EFCAB11: variants seen among roughly 807,000 people sequenced by gnomAD.
The protein encoded by EFCAB11 is EF-hand calcium binding domain 11.
Under a neutral mutation model 23.0 loss-of-function variants are expected in EFCAB11, and 14 were observed. The observed-to-expected ratio is 0.61, with a 90% CI of 0.40 to 0.95. The LOEUF (loss-of-function observed/expected upper bound fraction) is 0.95, where lower values mean the gene tolerates loss of function less well. EFCAB11 is among the 40% of genes least tolerant of loss of function. The probability of loss-of-function intolerance (pLI) is 0.00; values close to 1 mark genes in which losing one functional copy is unlikely to be tolerated. For missense variants in EFCAB11, 198 were observed against 195.8 expected (o/e 1.01, Z -0.07); for synonymous variants, 65 against 66.6 (o/e 0.98, Z 0.11).
intron 5 of EFCAB11, among the ~76,000 whole-genome samples, chr14:89,901,946 C>T (rs1020632013): frequency 1.3e-5 from 2 of 151,656 alleles, no homozygotes; most frequent in African/African-American, 4.8e-5. Context: ...GCAAATATTA[C>T]AAAATCTAAA....
At chr14:89,897,568 G>A (rs185018706) in intron 5 of EFCAB11, among the ~76,000 whole-genome samples, 160 of 152,232 alleles carry the variant, frequency 1.1e-3, no homozygotes, top group Non-Finnish European at 1.3e-3. Flanking sequence ...TGGTTCCTAT[G>A]GAAAAAGGCA....
chr14:89,835,944 A>T (rs1244518735), intron 5 of EFCAB11, among the ~76,000 whole-genome samples: 1 of 151,996 alleles, frequency 6.6e-6, no homozygotes, highest in Non-Finnish European at 1.5e-5. Context: ...GTATATTTTT[A>T]TTGCAGACAC....
intron 5 of EFCAB11, among the ~76,000 whole-genome samples, chr14:89,873,048 A>T (rs902198121): frequency 6.6e-6 from 1 of 152,188 alleles, no homozygotes; most frequent in African/African-American, 2.4e-5. Flanking sequence ...CACTAGTATT[A>T]GTATTAGTAT....
intron 5 of EFCAB11, among the ~76,000 whole-genome samples, chr14:89,870,142 A>G (rs1477232070): frequency 6.6e-6 from 1 of 152,246 alleles, no homozygotes; most frequent in Non-Finnish European, 1.5e-5. Context: ...CCCCCTCAGC[A>G]TTATAAACAT....
chr14:89,815,122 C>T lies in EFCAB11; in HGVS notation c.411-17798G>A, dbSNP rs541634419. ...ACGCAGAATTAGGGGCTGAATAAGA[C>T]GTGAAGATCTGTCCCTGGAATATGC... On this transcript the variant is annotated intron_variant, in intron 5 of 5. Coordinates refer to ENST00000316738, the MANE Select transcript of EFCAB11 (RefSeq NM_145231.4). Among the ~76,000 whole-genome samples, 4 of 152,200 alleles carry T rather than the reference C, an allele frequency of 2.6e-5. No homozygotes were observed. In the South Asian group the frequency reaches 6.2e-4, roughly 24 times the overall value.
chr14:89,931,279 C>G lies in EFCAB11; in HGVS notation c.410+262G>C, dbSNP rs1890379608. 2.3e-5 allele frequency: 9 copies of G among 399,272 alleles called. No individual in the cohort carries two copies. In the East Asian group the frequency reaches 3.6e-4, roughly 16 times the overall value. The allele number at this position is 399,272 out of a possible 1,614,324, so 24.7% of individuals were successfully genotyped here. A position where few individuals can be genotyped will look rare whatever the true frequency, so the allele number is the denominator to read the frequency against. ...CTGAAGAAGTTCTTTCTTCCTGTTCCTCTCCTGCCCCTACTCATAAGTGCT... is the reference window on the plus strand; with the variant it reads ...CTGAAGAAGTTCTTTCTTCCTGTTCGTCTCCTGCCCCTACTCATAAGTGCT... On this transcript the variant is annotated intron_variant, in intron 5 of 5. Transcript: ENST00000316738.
chr14:89,903,737 A>G (rs1297560837), intron 5 of EFCAB11, among the ~76,000 whole-genome samples: 1 of 152,214 alleles, frequency 6.6e-6, no homozygotes, highest in African/African-American at 2.4e-5. Flanking sequence ...GCATGTGAAT[A>G]ACCACAATTT....
chr14:89,928,748 TTAATTA>T (rs1285581105), intron 5 of EFCAB11, among the ~76,000 whole-genome samples: 1 of 97,900 alleles, frequency 1.0e-5, no homozygotes, highest in African/African-American at 4.7e-5. Context: ...ACTGATTATA[TTAATTA>T]TATAATTATA....
intron 5 of EFCAB11, among the ~76,000 whole-genome samples, chr14:89,882,736 T>C (rs1286945): frequency 0.79 from 119,704 of 152,144 alleles, 47,999 homozygotes; most frequent in Non-Finnish European, 0.88. Flanking sequence ...TTACATATAA[T>C]ATACAATTTA....
chr14:89,943,685 T>C (rs1890870574), intron 3 of EFCAB11, among the ~76,000 whole-genome samples: 1 of 152,114 alleles, frequency 6.6e-6, no homozygotes, highest in African/African-American at 2.4e-5. Flanking sequence ...GAAGAAAAAG[T>C]GGATGGTTTG....
At chr14:89,817,064 A>G (rs992163948) in intron 5 of EFCAB11, among the ~76,000 whole-genome samples, 6 of 152,134 alleles carry the variant, frequency 3.9e-5, no homozygotes, top group Non-Finnish European at 8.8e-5. Flanking sequence ...AAAAAATGAA[A>G]ATAGGCAATA....
chr14:89,879,557 A>C (rs1288967961), intron 5 of EFCAB11, among the ~76,000 whole-genome samples: 2 of 152,188 alleles, frequency 1.3e-5, no homozygotes. Context: ...ACAAACAGAA[A>C]AACTCCCAAA....
chr14:89,816,134 T>A (rs1056388879), intron 5 of EFCAB11, among the ~76,000 whole-genome samples: 4 of 151,186 alleles, frequency 2.6e-5, no homozygotes, highest in Admixed American at 6.6e-5. Context: ...TATTTTATAT[T>A]TTTTTTGGTA....
At chr14:89,926,361 A>C (rs1290411922) in intron 5 of EFCAB11, among the ~76,000 whole-genome samples, 2 of 152,338 alleles carry the variant, frequency 1.3e-5, no homozygotes, top group East Asian at 1.9e-4. Context: ...TTAAAAATAA[A>C]ATCTGAAAAA....
At chr14:89,824,877 C>T (rs1886638984) in intron 5 of EFCAB11, among the ~76,000 whole-genome samples, 1 of 151,780 alleles carries the variant, frequency 6.6e-6, no homozygotes, top group Non-Finnish European at 1.5e-5. Context: ...ATCGAGAGAA[C>T]TAAAAGGAGA....
chr14:89,920,340 T>C (rs904470799), intron 5 of EFCAB11, among the ~76,000 whole-genome samples: 4 of 152,126 alleles, frequency 2.6e-5, no homozygotes, highest in African/African-American at 4.8e-5. Flanking sequence ...TAGGGCAGAG[T>C]GAATAGGCCT....
rs1044096953 is a variant in EFCAB11, at chr14:89,815,571, C to T, written c.411-18247G>A. On this transcript the variant is annotated intron_variant, in intron 5 of 5. Coordinates refer to ENST00000316738, the MANE Select transcript of EFCAB11 (RefSeq NM_145231.4). ...CCTCTTGAGTAGCTGGGATTACAGG[C>T]GCGCGCCACCACGCTGGCTAATTTT... 5.3e-5 allele frequency among the ~76,000 whole-genome samples: 8 copies of T among 151,946 alleles called. No homozygotes were observed. In the South Asian group the frequency reaches 6.2e-4, roughly 12 times the overall value.
intron 5 of EFCAB11, among the ~76,000 whole-genome samples, chr14:89,907,206 G>C (rs1360328685): frequency 1.3e-5 from 2 of 152,188 alleles, no homozygotes; most frequent in East Asian, 3.8e-4. Context: ...GAGTTACAGA[G>C]AAACTCAAGC....
intron 5 of EFCAB11, among the ~76,000 whole-genome samples, chr14:89,819,592 G>C (rs529483933): frequency 1.3e-5 from 2 of 151,428 alleles, no homozygotes; most frequent in East Asian, 1.9e-4. Flanking sequence ...ACCATGTCCA[G>C]CTAATTATAA....
Sources: allele counts gnomAD v4.1 joint callset (sites outside exome capture counted in the v4.1 genomes callset), GRCh38; gene constraint gnomAD v4.1.1; transcripts MANE v1.5; gene names NCBI Gene and HGNC (gene_info 2026-07-23, HGNC 2026-07-21).